The following THSD7A variants were observed in gnomAD, a reference collection of about 807,000 sequenced individuals.
THSD7A encodes thrombospondin type 1 domain containing 7A.
In THSD7A, 96 loss-of-function variants were observed where a neutral mutation model predicts 231.3. The observed-to-expected ratio is 0.41, with a 90% CI of 0.35 to 0.49. THSD7A has a LOEUF of 0.49. Ranked by LOEUF, THSD7A falls within the 20% of genes least tolerant of loss-of-function variation. THSD7A has a pLI of 0.05. For missense variants in THSD7A, 2,290 were observed against 2,070.2 expected (o/e 1.11, Z -2.06); for synonymous variants, 940 against 743.3 (o/e 1.26, Z -4.30).
chr7:11,517,471 A>C (rs1179999183), intron 6 of THSD7A, among the ~76,000 whole-genome samples: 1 of 152,248 alleles, frequency 6.6e-6, no homozygotes, highest in Non-Finnish European at 1.5e-5. Context: ...TATCATTAAA[A>C]ATAGATACAC....
intron 4 of THSD7A, among the ~76,000 whole-genome samples, chr7:11,544,621 A>T (rs1789297441): frequency 6.6e-6 from 1 of 152,236 alleles, no homozygotes; most frequent in Admixed American, 6.5e-5. Context: ...ACTTGAAGAC[A>T]AATTGTAAGC....
chr7:11,537,913 GC>G (rs1467216079), intron 6 of THSD7A, among the ~76,000 whole-genome samples: 1 of 152,200 alleles, frequency 6.6e-6, no homozygotes, highest in Non-Finnish European at 1.5e-5. Context: ...CTAGAAGCCA[GC>G]CGGTTTGACA....
At chr7:11,535,328 C>T (rs1029769761) in intron 6 of THSD7A, among the ~76,000 whole-genome samples, 1 of 152,032 alleles carries the variant, frequency 6.6e-6, no homozygotes, top group Non-Finnish European at 1.5e-5. Flanking sequence ...CATACACAGA[C>T]ACATATACTA....
chr7:11,762,417 G>T (rs530688833), intron 1 of THSD7A, among the ~76,000 whole-genome samples: 1 of 151,954 alleles, frequency 6.6e-6, no homozygotes, highest in Non-Finnish European at 1.5e-5. Context: ...TTTGACTTTA[G>T]TAACAGCCAT....
chr7:11,825,884 T>C (rs756025234), intron 1 of THSD7A, among the ~76,000 whole-genome samples: 8 of 152,190 alleles, frequency 5.3e-5, no homozygotes, highest in Non-Finnish European at 8.8e-5. Flanking sequence ...TAAAAGTAAA[T>C]TGTAAGAACA....
At chr7:11,429,211 T>C in intron 13 of THSD7A, 86 bp from the exon 14 acceptor site, 1 of 1,340,820 alleles carries the variant, frequency 7.5e-7, no homozygotes, top group Non-Finnish European at 1.0e-6. Flanking sequence ...ATTTAGAAGG[T>C]CCAAGACTGA....
At chr7:11,723,455 C>A (rs904910494) in intron 1 of THSD7A, among the ~76,000 whole-genome samples, 13 of 151,468 alleles carry the variant, frequency 8.6e-5, no homozygotes, top group Admixed American at 2.6e-4. Flanking sequence ...TGCACATGTA[C>A]CCTAAAACTT....
intron 1 of THSD7A, among the ~76,000 whole-genome samples, chr7:11,787,525 T>C (rs1223459942): frequency 1.3e-5 from 2 of 151,956 alleles, no homozygotes; most frequent in Admixed American, 6.6e-5. Flanking sequence ...ATGACTGTTA[T>C]CCAAAATATA....
At chr7:11,545,186 G>A (rs10241518) in intron 4 of THSD7A, among the ~76,000 whole-genome samples, 17,451 of 151,894 alleles carry the variant, frequency 0.11, 2,026 homozygotes, top group African/African-American at 0.3. Context: ...GGAAACTTTC[G>A]GAGTATCTAA....
intron 1 of THSD7A, among the ~76,000 whole-genome samples, chr7:11,643,126 G>A (rs1263939064): frequency 6.6e-6 from 1 of 151,984 alleles, no homozygotes; most frequent in Non-Finnish European, 1.5e-5. Context: ...TCTCAAATGA[G>A]CCAGTTTCTT....
intron 16 of THSD7A, among the ~76,000 whole-genome samples, chr7:11,422,955 A>T (rs926787052): frequency 5.3e-5 from 8 of 151,888 alleles, no homozygotes; most frequent in African/African-American, 1.2e-4. Flanking sequence ...CCGGCCTATA[A>T]TTTTTTTTAC....
rs1201417019 is a variant in THSD7A at position 11,637,587 on chromosome 7, T to TA, written c.191-627_191-626insT. Among the ~76,000 whole-genome samples the TA allele has an allele frequency of 2.0e-5, 3 of 151,720 alleles. No homozygotes were observed. The highest frequency in any genetic ancestry group is 4.4e-5 in the Non-Finnish European group (3 of 67,960). ...ATTCTGCCTTTAAATTTACCAAATT[T>TA]CCCCCCCATTTCCCAAGTGAAGTAT... is the stretch of plus-strand genomic sequence containing the variant. On this transcript the variant is annotated intron_variant, in intron 1 of 27. Coordinates refer to ENST00000423059, the MANE Select transcript of THSD7A (RefSeq NM_015204.3). The surrounding 1 kb of genome is among the most constrained non-coding windows in gnomAD (Gnocchi z 4.2).
At chr7:11,781,679 C>G (rs1056548456) in intron 1 of THSD7A, among the ~76,000 whole-genome samples, 1 of 152,032 alleles carries the variant, frequency 6.6e-6, no homozygotes, top group Non-Finnish European at 1.5e-5. Context: ...CTTGTATGTT[C>G]GTAGAACATC....
At chr7:11,681,684 A>T (rs796799493) in intron 1 of THSD7A, among the ~76,000 whole-genome samples, 1 of 152,094 alleles carries the variant, frequency 6.6e-6, no homozygotes, top group Admixed American at 6.6e-5. Flanking sequence ...TTTAGGAAAC[A>T]TCGTTCAGGA....
At chr7:11,502,707 A>G (rs1284940181) in intron 6 of THSD7A, among the ~76,000 whole-genome samples, 1 of 152,174 alleles carries the variant, frequency 6.6e-6, no homozygotes, top group East Asian at 1.9e-4. Context: ...CCCATTCACA[A>G]TTGCCACACA....
chr7:11,385,846 C>G (rs1782718990), intron 23 of THSD7A, among the ~76,000 whole-genome samples: 1 of 152,076 alleles, frequency 6.6e-6, no homozygotes, highest in Non-Finnish European at 1.5e-5. Context: ...TTAGGTATTT[C>G]TCCTAGTGCT....
chr7:11,523,470 G>A (rs11982706), intron 6 of THSD7A, among the ~76,000 whole-genome samples: 14 of 151,764 alleles, frequency 9.2e-5, no homozygotes, highest in Non-Finnish European at 5.9e-5. Flanking sequence ...ACTCTGGATG[G>A]AGAGATTATG....
Position 11,573,549 on chromosome 7 carries a change from A to T in THSD7A, c.1453+16911T>A, listed in dbSNP as rs905756872. ...TCACGGTCTTCTGGCTTGTTGGCCA[A>T]TGACTAAAAACAGCTGCTTTATATA... On this transcript the variant is annotated intron_variant, in intron 4 of 27. Transcript: ENST00000423059. Among the ~76,000 whole-genome samples the T allele has an allele frequency of 3.9e-5, 6 of 152,306 alleles. 2 individuals carry two copies. The highest frequency in any genetic ancestry group is 6.5e-5 in the Admixed American group (1 of 15,294).
chr7:11,471,585 G>T (rs1243138734), intron 8 of THSD7A, among the ~76,000 whole-genome samples: 1 of 151,868 alleles, frequency 6.6e-6, no homozygotes, highest in African/African-American at 2.4e-5. Flanking sequence ...AAACCCCAGT[G>T]TTTATTTGGA....
Sources: gnomAD v4.1 joint callset for allele counts (sites outside exome capture counted in the v4.1 genomes callset) on GRCh38, gnomAD v4.1.1 for gene constraint, Gnocchi (gnomAD v3.1) non-coding constraint, MANE v1.5 for transcripts, NCBI Gene and HGNC (gene_info 2026-07-23, HGNC 2026-07-21) for gene names.